The following RYR2 variants were observed in gnomAD, a reference collection of about 807,000 sequenced individuals.
RYR2 encodes ryanodine receptor 2, also known as cardiac muscle ryanodine receptor-calcium release channel.
Under a neutral mutation model 601.1 loss-of-function variants are expected in RYR2, and 227 were observed. The ratio of observed to expected loss-of-function variants is 0.38; its 90% confidence interval spans 0.34 to 0.42. RYR2 has a LOEUF of 0.42. Ranked by LOEUF, RYR2 falls within the 10% of genes least tolerant of loss-of-function variation. The probability of loss-of-function intolerance (pLI) is 1.00; values close to 1 mark genes in which losing one functional copy is unlikely to be tolerated. For synonymous variants in RYR2, 2,223 were observed against 2,175.1 expected (o/e 1.02, Z -0.61); for missense variants, 4,646 against 6,156.5 (o/e 0.75, Z 8.21).
intron 27 of RYR2, among the ~76,000 whole-genome samples, chr1:237,564,723 G>GTT (rs777636364): frequency 3.9e-5 from 6 of 152,158 alleles, no homozygotes; most frequent in Non-Finnish European, 8.8e-5. Flanking sequence ...CCATAGAAAT[G>GTT]TTTCTCTGAT....
intron 12 of RYR2, among the ~76,000 whole-genome samples, chr1:237,436,350 C>T (rs1275182620): frequency 6.6e-6 from 1 of 151,352 alleles, no homozygotes; most frequent in African/African-American, 2.4e-5. Flanking sequence ...GGAAGCCCCT[C>T]ATAGACCCCT....
At chr1:237,406,599 C>T (rs1703931036) in intron 10 of RYR2, among the ~76,000 whole-genome samples, 1 of 151,880 alleles carries the variant, frequency 6.6e-6, no homozygotes. Flanking sequence ...TTTGTATATT[C>T]TGGAGAAAAA....
At chr1:237,291,601 T>A (rs2149421474) in intron 2 of RYR2, among the ~76,000 whole-genome samples, 1 of 152,136 alleles carries the variant, frequency 6.6e-6, no homozygotes, top group East Asian at 1.9e-4. Flanking sequence ...TATTCAGTGA[T>A]AAAAAGAAAT....
chr1:237,379,072 T>C (rs1701249394), intron 8 of RYR2, among the ~76,000 whole-genome samples: 1 of 152,218 alleles, frequency 6.6e-6, no homozygotes, highest in African/African-American at 2.4e-5. Flanking sequence ...GCTATGTATG[T>C]TAAGATGATG....
At chr1:237,760,314 T>C (rs1378302531) in intron 83 of RYR2, among the ~76,000 whole-genome samples, 1 of 136,684 alleles carries the variant, frequency 7.3e-6, no homozygotes, top group Non-Finnish European at 1.5e-5. Flanking sequence ...GCTATGATAG[T>C]GCCACTACTG....
chr1:237,509,888 A>T (rs1208423219), intron 23 of RYR2, among the ~76,000 whole-genome samples: 1 of 152,222 alleles, frequency 6.6e-6, no homozygotes, highest in African/African-American at 2.4e-5. Flanking sequence ...AAAAGCGAGG[A>T]GGCAGAAGAG....
intron 16 of RYR2, among the ~76,000 whole-genome samples, chr1:237,465,551 TG>T (rs962437193): frequency 1.3e-5 from 2 of 152,166 alleles, no homozygotes; most frequent in Non-Finnish European, 2.9e-5. Flanking sequence ...GCAAACATCA[TG>T]GAACTTACAC....
At position 237,130,840 on chromosome 1, in the gene RYR2, A is replaced by T. The variant is rs150833042; in HGVS notation, c.48+88271A>T. 9.8e-4 allele frequency among the ~76,000 whole-genome samples: 149 copies of T among 152,320 alleles called. 4 individuals carry two copies. In the South Asian group the frequency reaches 0.018, roughly 18 times the overall value. ...TATGCCTCAAATTATTTATATGATCAATTTTTTTAGATACAGGGTCTTATA... is the reference window on the plus strand; with the variant it reads ...TATGCCTCAAATTATTTATATGATCTATTTTTTTAGATACAGGGTCTTATA... On this transcript the variant is annotated intron_variant, in intron 1 of 104. Transcript: ENST00000366574.
chr1:237,060,159 C>T (rs140234477), intron 1 of RYR2, among the ~76,000 whole-genome samples: 78 of 152,266 alleles, frequency 5.1e-4, no homozygotes, highest in African/African-American at 1.8e-3. Context: ...GCTGAAAGCT[C>T]TCATATTTGT....
At chr1:237,742,423 AT>A in intron 80 of RYR2, 74 bp downstream of exon 80, 1 of 1,109,156 alleles carries the variant, frequency 9.0e-7, no homozygotes, top group Admixed American at 2.1e-5. Context: ...ACTGACATTT[AT>A]GTTTCTTGCT....
Position 237,042,479 on chromosome 1 carries a change from C to T in RYR2, c.-43C>T. On this transcript the variant is annotated 5_prime_UTR_variant, in exon 1 of 105. Coordinates refer to ENST00000366574, the MANE Select transcript of RYR2 (RefSeq NM_001035.3). ...CAGGGGCCGCCGCCGCCGCCGAGCT[C>T]CGCGGGGCTCGGGAGCCGGCCCCGG... 8.0e-7 allele frequency: 1 copy of T among 1,242,960 alleles called. No individual in the cohort carries two copies. The highest frequency in any genetic ancestry group is 1.0e-6 in the Non-Finnish European group (1 of 985,022). The allele number at this position is 1,242,960 out of a possible 1,614,324, so 77.0% of individuals were successfully genotyped here.
intron 97 of RYR2, 150 bp downstream of exon 97, chr1:237,798,320 C>T (rs79129599): frequency 0.013 from 9,223 of 690,704 alleles, 83 homozygotes; most frequent in East Asian, 0.04. Context: ...TCTACTTTTA[C>T]ACTTCTTGGT....
chr1:237,088,425 T>C (rs1020114760), intron 1 of RYR2, among the ~76,000 whole-genome samples: 1 of 152,228 alleles, frequency 6.6e-6, no homozygotes, highest in African/African-American at 2.4e-5. Context: ...TACAAGTTCC[T>C]TCAACAAATG....
chr1:237,540,685 C>T (rs1337677290), intron 25 of RYR2, among the ~76,000 whole-genome samples: 1 of 142,520 alleles, frequency 7.0e-6, no homozygotes, highest in Non-Finnish European at 1.5e-5. Flanking sequence ...CCAGCCTGGA[C>T]AACAAAAGTG....
Position 237,602,043 on chromosome 1 carries a change from T to C in RYR2, c.4615T>C (p.Leu1539=). The stretch of plus-strand genomic sequence containing the variant: ...ATTTCAGGTGGAACCGAGTACAAAA[T>C]TATTTCCTGCGGTTTTTGCACAAGC... ...TYYQVEPSTK[L]FPAVFAQATS... is the part of the protein sequence containing the mutation. Residue 1539 remains leucine, a synonymous_variant, in exon 35 of 105, where the codon TTA becomes CTA. Coordinates refer to ENST00000366574, the MANE Select transcript of RYR2 (RefSeq NM_001035.3). 1 of 1,612,560 alleles carries C rather than the reference T, an allele frequency of 6.2e-7. No individual in the cohort carries two copies. Among genetic ancestry groups the C allele is most frequent in the Non-Finnish European group, 8.5e-7 (1 of 1,179,084 alleles).
At chr1:237,357,649 T>A (rs1482607110) in intron 4 of RYR2, among the ~76,000 whole-genome samples, 1 of 152,170 alleles carries the variant, frequency 6.6e-6, no homozygotes, top group Non-Finnish European at 1.5e-5. Flanking sequence ...TATTTGTAAA[T>A]CATTGCAGTA....
chr1:237,115,359 C>T (rs1267949094), intron 1 of RYR2, among the ~76,000 whole-genome samples: 1 of 152,160 alleles, frequency 6.6e-6, no homozygotes, highest in Admixed American at 6.5e-5. Context: ...AATCCCTCTT[C>T]CCTCTCCGGA....
intron 36 of RYR2, 81 bp from the exon 37 acceptor site, chr1:237,613,958 T>G: frequency 7.6e-7 from 1 of 1,322,686 alleles, no homozygotes; most frequent in Non-Finnish European, 1.0e-6. Flanking sequence ...AAATTTACAG[T>G]GCATACTGAT....
Position 237,350,633 on chromosome 1 carries a change from ATC to A in RYR2, c.274-5328_274-5327del, listed in dbSNP as rs780156890. ...TATATATATATATATATATATATAT[ATC>A]TCTGACCTCTGAGAAAGAATTTAGG... On this transcript the variant is annotated intron_variant, in intron 3 of 104. Transcript: ENST00000366574. Among the ~76,000 whole-genome samples, 506 of 92,344 alleles carry A rather than the reference ATC, an allele frequency of 5.5e-3. 9 individuals are homozygous for A. Among genetic ancestry groups the A allele is most frequent in the East Asian group, 0.038 (94 of 2,470 alleles). The allele number at this position is 92,344 out of a possible 152,430, so 60.6% of individuals were successfully genotyped here.
Sources: gnomAD v4.1 joint callset for allele counts (sites outside exome capture counted in the v4.1 genomes callset) on GRCh38, gnomAD v4.1.1 for gene constraint, MANE v1.5 for transcripts, NCBI Gene and HGNC (gene_info 2026-07-23, HGNC 2026-07-21) for gene names.